The following LRIG2 variants were observed in gnomAD, a reference collection of about 807,000 sequenced individuals.
The protein encoded by LRIG2 is leucine rich repeats and immunoglobulin like domains 2, also known as leucine-rich repeats and immunoglobulin-like domains protein 2.
A neutral mutation model predicts 107.8 loss-of-function variants in LRIG2; 93 were observed. The observed-to-expected ratio is 0.86, with a 90% CI of 0.73 to 1.03. The LOEUF (loss-of-function observed/expected upper bound fraction) is 1.03. Ranked by LOEUF, LRIG2 falls within the 50% of genes least tolerant of loss-of-function variation. The pLI is 0.00. For synonymous variants in LRIG2, 471 were observed against 470.6 expected, an observed-to-expected ratio of 1.00 and a Z score of -0.01; for missense variants, 1,226 against 1,296.0, an observed-to-expected ratio of 0.95 and a Z score of 0.83.
rs552709976 is a variant in LRIG2, at chr1:113,123,947, C to G, written c.3044C>G (p.Pro1015Arg). 16 of 1,614,156 alleles carry G rather than the reference C, an allele frequency of 9.9e-6. No homozygotes were observed. The South Asian group carries it at 1.6e-4, about 17-fold the overall frequency. Reference protein sequence around the residue: ...GLPHPPFSQQPVHESPQLHQN... With the variant: ...GLPHPPFSQQRVHESPQLHQN... ...CCTCATCCTCCTTTTTCCCAGCAGC[C>G]AGTCCATGAGTCACCACAACTTCAT... is the stretch of plus-strand genomic sequence containing the variant. Residue 1015 changes from proline (P) to arginine (R), a missense_variant, in exon 18 of 18, where the codon CCA becomes CGA. Pro to Arg is a moderately radical substitution (Grantham distance 103). This residue lies in a region of LRIG2 where 642 missense variants were observed against 712.2 expected (regional missense o/e 0.90). Transcript: ENST00000361127.
Position 113,130,835 on chromosome 1 carries a change from ATCT to A in LRIG2, c.*6738_*6740del, listed in dbSNP as rs1326225160. ...CATGAAACACAAAATTCTGGGTTTA[ATCT>A]TCTGAAGAAATCTATAAGTAGTTAC... is the stretch of plus-strand genomic sequence containing the variant. On this transcript the variant is annotated 3_prime_UTR_variant, in exon 18 of 18. Coordinates refer to ENST00000361127, the MANE Select transcript of LRIG2 (RefSeq NM_014813.3). 5.9e-5 allele frequency: 9 copies of A among 152,224 alleles called. No homozygotes were observed. Among genetic ancestry groups the A allele is most frequent in the Non-Finnish European group, 1.3e-4 (9 of 68,020 alleles). The allele number at this position is 152,224 out of a possible 1,614,324, so 9.4% of individuals were successfully genotyped here.
Position 113,116,363 on chromosome 1 carries a change from C to T in LRIG2, c.2607C>T (p.Tyr869=), listed in dbSNP as rs754832573. The change falls in exon 16 of 18, where the codon TAC becomes TAT. Residue 869 remains tyrosine, a synonymous_variant. Coordinates refer to ENST00000361127, the MANE Select transcript of LRIG2 (RefSeq NM_014813.3). ...QGTLSEPQEG[Y]SNSEAGSHQQ... ...CGCTGTCTGAGCCACAGGAAGGCTA[C>T]AGCAACTCTGAGGCAGGCAGTCATC... 1.2e-6 allele frequency: 2 copies of T among 1,614,080 alleles called. No homozygotes were observed. The highest frequency in any genetic ancestry group is 1.1e-5 in the South Asian group (1 of 91,038).
chr1:113,122,365 G>A lies in LRIG2; in HGVS notation c.2972-1510G>A, dbSNP rs938006755. The stretch of plus-strand genomic sequence containing the variant: ...GCCTCCCAAAGTGTTGGGATTACAG[G>A]CATGAGCCACTGCACCCAGCCTCTA... On this transcript the variant is annotated intron_variant, in intron 17 of 17. Transcript: ENST00000361127. Among the ~76,000 whole-genome samples, 5 of 152,068 alleles carry A rather than the reference G, an allele frequency of 3.3e-5. No homozygotes were observed. In the East Asian group the frequency reaches 9.7e-4, roughly 29 times the overall value.
intron 11 of LRIG2, 56 bp downstream of exon 11, chr1:113,100,544 G>T: frequency 9.3e-7 from 1 of 1,070,100 alleles, no homozygotes; most frequent in Non-Finnish European, 1.4e-6. Context: ...TGCTTGTTGT[G>T]CTTAAAGTGT....
chr1:113,131,535 G>C lies in LRIG2; in HGVS notation c.*7434G>C, dbSNP rs1285647237. 2 of 152,152 alleles carry C rather than the reference G, an allele frequency of 1.3e-5. No individual in the cohort carries two copies. The highest frequency in any genetic ancestry group is 4.8e-5 in the African/African-American group (2 of 41,428). The allele number at this position is 152,152 out of a possible 1,614,324, so 9.4% of individuals were successfully genotyped here. A position where few individuals can be genotyped will look rare whatever the true frequency, so the allele number is the denominator to read the frequency against. ...AGATTCTTTTTTTGGCAACCTGCAA[G>C]TAATGTTTCATTTTTCTATTACGTG... On this transcript the variant is annotated 3_prime_UTR_variant, in exon 18 of 18. Coordinates refer to ENST00000361127, the MANE Select transcript of LRIG2 (RefSeq NM_014813.3).
In LRIG2 at chr1:113,096,226, T is replaced by C. The variant is rs1197011376; in HGVS notation, c.952T>C (p.Leu318=). The C allele has an allele frequency of 1.9e-6, 3 of 1,611,648 alleles. No homozygotes were observed. Among genetic ancestry groups the C allele is most frequent in the African/African-American group, 2.7e-5 (2 of 74,844 alleles). The change falls in exon 8 of 18, where the codon TTG becomes CTG. Residue 318 remains leucine, a synonymous_variant. Transcript: ENST00000361127. The part of the protein sequence containing the change: ...EFCQRLSELD[L]SYNQLTRLDE... ...TTCCACATTTCTTGTTTTCAGTGAT[T>C]TGTCCTATAACCAGCTGACCCGCCT...
Position 113,116,364 on chromosome 1 carries a change from A to G in LRIG2, c.2608A>G (p.Ser870Gly), listed in dbSNP as rs1486360259. 2 of 1,613,986 alleles carry G rather than the reference A, an allele frequency of 1.2e-6. No individual in the cohort carries two copies. The highest frequency in any genetic ancestry group is 1.3e-5 in the African/African-American group (1 of 74,940). ...GTLSEPQEGY[S>G]NSEAGSHQQL... The stretch of plus-strand genomic sequence containing the variant: ...GCTGTCTGAGCCACAGGAAGGCTAC[A>G]GCAACTCTGAGGCAGGCAGTCATCA... The change falls in exon 16 of 18, where the codon AGC becomes GGC. Residue 870 changes from serine to glycine, a missense_variant. Ser to Gly is a moderately conservative substitution (Grantham distance 56). Coordinates refer to ENST00000361127, the MANE Select transcript of LRIG2 (RefSeq NM_014813.3).
Position 113,100,229 on chromosome 1 carries a change from G to C in LRIG2, c.1191G>C (p.Gln397His), listed in dbSNP as rs1285794580. The C allele has an allele frequency of 5.7e-6, 9 of 1,585,090 alleles. No individual in the cohort carries two copies. The highest frequency in any genetic ancestry group is 3.4e-5 in the Admixed American group (2 of 58,816). ...SLTKLILQGN[Q>H]IKSITKKAFI... The stretch of plus-strand genomic sequence containing the variant: ...ATTTCAGAATCTTACAAGGAAACCA[G>C]ATTAAGTCAATTACAAAGAAAGCAT... Residue 397 changes from glutamine (Q) to histidine (H), a missense_variant, in exon 10 of 18, where the codon CAG becomes CAC. Coordinates refer to ENST00000361127, the MANE Select transcript of LRIG2 (RefSeq NM_014813.3).
rs148993523 is a variant in LRIG2 at position 113,094,449 on chromosome 1, C to G, written c.626C>G (p.Pro209Arg). ...CGTAACCGAATGAGCATGATTCCAC[C>G]TAAGATCTTCAAGCTGCCTCACCTC... ...LNRNRMSMIP[P>R]KIFKLPHLQF... is the part of the protein sequence containing the mutation. The change falls in exon 5 of 18, where the codon CCT (proline) becomes CGT (arginine). Residue 209 changes from proline (P) to arginine (R), a missense_variant. Coordinates refer to ENST00000361127, the MANE Select transcript of LRIG2 (RefSeq NM_014813.3). 218 of 1,611,502 alleles carry G rather than the reference C, an allele frequency of 1.4e-4. No individual in the cohort carries two copies. The highest frequency in any genetic ancestry group is 1.8e-4 in the Non-Finnish European group (212 of 1,179,524).
intron 1 of LRIG2, among the ~76,000 whole-genome samples, chr1:113,087,440 C>T (rs2101026776): frequency 6.6e-6 from 1 of 152,288 alleles, no homozygotes; most frequent in South Asian, 2.1e-4. Flanking sequence ...CCTCCACCTC[C>T]TGGGTTCAAG....
At position 113,073,459 on chromosome 1, in the gene LRIG2, C is replaced by T; in HGVS notation, c.53C>T (p.Ser18Phe). ...GAGGAGCAGTTGCTGGGGTGTCGAT[C>T]TAGAGTGCTTTCTCGGTTACTCTTC... ...VPEEQLLGCR[S>F]RVLSRLLFIA... is the part of the protein sequence containing the mutation. The change falls in exon 1 of 18, where the codon TCT (serine) becomes TTT (phenylalanine). Residue 18 changes from serine (S) to phenylalanine (F), a missense_variant. Coordinates refer to ENST00000361127, the MANE Select transcript of LRIG2 (RefSeq NM_014813.3). The T allele has an allele frequency of 1.9e-6, 3 of 1,614,188 alleles. No individual in the cohort carries two copies. Among genetic ancestry groups the T allele is most frequent in the Non-Finnish European group, 2.5e-6 (3 of 1,180,032 alleles).
At chr1:113,100,097 T>C (rs775234064) in intron 9 of LRIG2, 114 bp from the exon 10 acceptor site, 34 of 544,298 alleles carry the variant, frequency 6.2e-5, no homozygotes, top group Non-Finnish European at 9.9e-5. Flanking sequence ...AGTAAAGCTG[T>C]TAAGTATATA....
chr1:113,101,681 G>C (rs975437529), intron 11 of LRIG2, among the ~76,000 whole-genome samples: 1 of 152,196 alleles, frequency 6.6e-6, no homozygotes, highest in African/African-American at 2.4e-5. Flanking sequence ...AAACTGCCTA[G>C]GTTCAAATCC....
chr1:113,076,062 G>A (rs1323160918), intron 1 of LRIG2, among the ~76,000 whole-genome samples: 1 of 150,674 alleles, frequency 6.6e-6, no homozygotes, highest in East Asian at 2.0e-4. Context: ...CTGGAGTGCA[G>A]TGGCACGATC....
intron 1 of LRIG2, among the ~76,000 whole-genome samples, chr1:113,088,309 GTTC>G (rs1653646870): frequency 6.6e-6 from 1 of 152,092 alleles, no homozygotes; most frequent in African/African-American, 2.4e-5. Context: ...AAGCCTATAG[GTTC>G]TTCAAAGATA....
chr1:113,118,737 T>C (rs1168999191), intron 16 of LRIG2, among the ~76,000 whole-genome samples: 1 of 152,004 alleles, frequency 6.6e-6, no homozygotes, highest in Non-Finnish European at 1.5e-5. Context: ...TGATCTCGGC[T>C]CACTGCAAGC....
chr1:113,107,984 A>G (rs1557912694), intron 12 of LRIG2, among the ~76,000 whole-genome samples: 1 of 152,154 alleles, frequency 6.6e-6, no homozygotes, highest in African/African-American at 2.4e-5. Flanking sequence ...ATCAAGCAAT[A>G]TGAGTTTTTT....
chr1:113,080,653 C>T (rs1385804489), intron 1 of LRIG2, among the ~76,000 whole-genome samples: 10 of 152,152 alleles, frequency 6.6e-5, no homozygotes, highest in Non-Finnish European at 1.2e-4. Flanking sequence ...GCTGGGATTA[C>T]AGGCGTGAGC....
chr1:113,123,362 G>T (rs1655340230), intron 17 of LRIG2, among the ~76,000 whole-genome samples: 1 of 152,236 alleles, frequency 6.6e-6, no homozygotes, highest in Non-Finnish European at 1.5e-5. Context: ...ATCACCTGAG[G>T]TTGGGAGTTC....
Sources: allele counts gnomAD v4.1 joint callset (sites outside exome capture counted in the v4.1 genomes callset), GRCh38; gene constraint gnomAD v4.1.1; regional missense constraint gnomAD v4.1.1; transcripts MANE v1.5; gene names NCBI Gene and HGNC (gene_info 2026-07-23, HGNC 2026-07-21).